MTMR8: variants seen among roughly 807,000 people sequenced by gnomAD.
MTMR8 encodes the protein phosphatidylinositol-3,5-bisphosphate 3-phosphatase MTMR8.
In MTMR8, 65 loss-of-function variants were observed where a neutral mutation model predicts 39.3. The ratio of observed to expected loss-of-function variants is 1.65; its 90% CI spans 1.35 to 2.03. The LOEUF is 2.03. Ranked by LOEUF, MTMR8 falls within the 30% of genes most tolerant of loss-of-function variation. MTMR8 has a pLI of 0.00. For missense variants in MTMR8, 777 were observed against 538.9 expected (o/e 1.44, Z -4.37); for synonymous variants, 245 against 185.2 (o/e 1.32, Z -2.62).
intron 1 of MTMR8, among the ~76,000 whole-genome samples, chrX:64,365,438 A>C (rs1184023830): frequency 8.9e-6 from 1 of 112,001 alleles, no homozygotes; most frequent in Non-Finnish European, 1.9e-5. Flanking sequence ...AAGCCAGAAG[A>C]GAGTAGGGGG....
At chrX:64,354,964 A>G in intron 3 of MTMR8, 30 bp from the exon 4 acceptor site, 1 of 1,118,110 alleles carries the variant, frequency 8.9e-7, no homozygotes, top group Non-Finnish European at 1.2e-6. Context: ...ATGGAAAACA[A>G]AATGATGAAT....
At chrX:64,386,433 C>T (rs1015476483) in intron 1 of MTMR8, among the ~76,000 whole-genome samples, 8 of 111,073 alleles carry the variant, frequency 7.2e-5, no homozygotes, top group Non-Finnish European at 1.3e-4. Context: ...GCCAGAGGGA[C>T]CAGTGTAAGA....
chrX:64,319,327 C>A (rs898253414), intron 12 of MTMR8, among the ~76,000 whole-genome samples: 1 of 112,437 alleles, frequency 8.9e-6, no homozygotes, highest in South Asian at 3.7e-4. Context: ...GAGTAGATTG[C>A]AAAAATTTTC....
At chrX:64,285,161 G>A (rs1195168986) in intron 12 of MTMR8, among the ~76,000 whole-genome samples, 1 of 111,224 alleles carries the variant, frequency 9.0e-6, no homozygotes, top group Non-Finnish European at 1.9e-5. Context: ...AAAAAAGGCA[G>A]GGTTTGCAAT....
chrX:64,281,007 C>T (rs1303692984), intron 12 of MTMR8, among the ~76,000 whole-genome samples: 2 of 110,844 alleles, frequency 1.8e-5, no homozygotes, highest in Admixed American at 9.7e-5. Context: ...TGAAGGACCT[C>T]TTCAAGGAGA....
intron 8 of MTMR8, among the ~76,000 whole-genome samples, chrX:64,343,209 C>T (rs1404222752): frequency 8.9e-6 from 1 of 111,930 alleles, no homozygotes; most frequent in East Asian, 2.8e-4. Context: ...AATAACTGAG[C>T]TAGAGATCAA....
intron 8 of MTMR8, among the ~76,000 whole-genome samples, chrX:64,340,192 A>G (rs1026617987): frequency 9.0e-6 from 1 of 111,624 alleles, no homozygotes; most frequent in African/African-American, 3.3e-5. Flanking sequence ...GGGAAGAAAA[A>G]AGAAGTTTGG....
chrX:64,300,661 C>A (rs1921828802), intron 12 of MTMR8, among the ~76,000 whole-genome samples: 1 of 102,386 alleles, frequency 9.8e-6, no homozygotes, highest in Non-Finnish European at 2.0e-5. Flanking sequence ...GATGCAGTTT[C>A]TTCCTAGTCT....
At chrX:64,354,245 T>C in intron 4 of MTMR8, among the ~76,000 whole-genome samples, 1 of 107,361 alleles carries the variant, frequency 9.3e-6, no homozygotes, top group South Asian at 4.2e-4. Flanking sequence ...AGGAATAAGA[T>C]CTAGTATTCA....
Position 64,300,386 on chromosome X carries a change from C to G in MTMR8, c.1481+28386G>C, listed in dbSNP as rs748521551. 5.4e-5 allele frequency among the ~76,000 whole-genome samples: 6 copies of G among 111,579 alleles called. No homozygotes were observed. The South Asian group carries it at 2.3e-3, about 43-fold the overall frequency. On this transcript the variant is annotated intron_variant, in intron 12 of 13. Transcript: ENST00000374852. Reference sequence around the variant, plus strand: ...GGTTTAAAGTCTGTTTTATCAGACACTAGCATTGCAAACCCTGCCTTTTTT... The same window carrying G: ...GGTTTAAAGTCTGTTTTATCAGACAGTAGCATTGCAAACCCTGCCTTTTTT...
intron 4 of MTMR8, among the ~76,000 whole-genome samples, chrX:64,354,244 A>G (rs1405077713): frequency 9.1e-6 from 1 of 109,378 alleles, no homozygotes; most frequent in Non-Finnish European, 1.9e-5. Context: ...AAGGAATAAG[A>G]TCTAGTATTC....
intron 12 of MTMR8, among the ~76,000 whole-genome samples, chrX:64,289,017 T>G (rs1231077477): frequency 9.2e-6 from 1 of 109,221 alleles, no homozygotes; most frequent in East Asian, 2.8e-4. Flanking sequence ...TAAAGTATAA[T>G]AAAAAATATA....
chrX:64,285,919 G>C (rs1921154061), intron 12 of MTMR8, among the ~76,000 whole-genome samples: 2 of 111,436 alleles, frequency 1.8e-5, no homozygotes. Context: ...AAAAGAACTA[G>C]AGAAACAAGA....
At chrX:64,325,007 C>T (rs1052300895) in intron 12 of MTMR8, among the ~76,000 whole-genome samples, 5 of 110,683 alleles carry the variant, frequency 4.5e-5, no homozygotes, top group Admixed American at 9.6e-5. Flanking sequence ...TAAAAAGCAT[C>T]ACAAGACAGT....
At position 64,336,129 on chromosome X, in the gene MTMR8, C is replaced by A; in HGVS notation, c.1102-1G>T. ...ATATCCATTCCTTCTCTATCAAGAT[C>A]TTCATTTTATAGAAAAGAAAGTGTT... On this transcript the variant is annotated splice_acceptor_variant, in intron 9 of 13. Coordinates refer to ENST00000374852, the MANE Select transcript of MTMR8 (RefSeq NM_017677.4). LOFTEE classifies it high-confidence loss of function. The A allele has an allele frequency of 3.4e-6, 4 of 1,178,863 alleles. No homozygotes were observed. The highest frequency in any genetic ancestry group is 4.6e-5 in the Admixed American group (2 of 43,186).
chrX:64,318,979 C>A (rs1334532359), intron 12 of MTMR8, among the ~76,000 whole-genome samples: 1 of 111,777 alleles, frequency 8.9e-6, no homozygotes, highest in Non-Finnish European at 1.9e-5. Context: ...CCACGCTCAG[C>A]CTAAATCTGG....
At position 64,324,432 on chromosome X, in the gene MTMR8, C is replaced by T. The variant is rs941411691; in HGVS notation, c.1481+4340G>A. On this transcript the variant is annotated intron_variant, in intron 12 of 13. Coordinates refer to ENST00000374852, the MANE Select transcript of MTMR8 (RefSeq NM_017677.4). ...GACTTGGTGGCTCACACTTGTAATC[C>T]CAGCACTTTGGGAGGCCAAGAGGGA... 3.6e-5 allele frequency among the ~76,000 whole-genome samples: 4 copies of T among 110,040 alleles called. No individual in the cohort carries two copies. In the Admixed American group the frequency reaches 3.9e-4, roughly 11 times the overall value.
At chrX:64,354,657 G>T in intron 4 of MTMR8, 120 bp downstream of exon 4, 2 of 739,332 alleles carry the variant, frequency 2.7e-6, no homozygotes, top group Non-Finnish European at 1.9e-6. Flanking sequence ...ATGGCTGAAT[G>T]TTGAATGGAA....
intron 12 of MTMR8, among the ~76,000 whole-genome samples, chrX:64,308,785 G>C (rs1479627615): frequency 9.0e-6 from 1 of 111,474 alleles, no homozygotes; most frequent in Non-Finnish European, 1.9e-5. Flanking sequence ...TGTAAGCTCT[G>C]TGTCTAGATT....
Sources: allele counts gnomAD v4.1 joint callset (sites outside exome capture counted in the v4.1 genomes callset), GRCh38; gene constraint gnomAD v4.1.1; transcripts MANE v1.5; gene names NCBI Gene and HGNC (gene_info 2026-07-23, HGNC 2026-07-21).